ANKRD33B: variants seen among roughly 807,000 people sequenced by gnomAD.
ANKRD33B encodes ankyrin repeat domain 33B.
A neutral mutation model predicts 21.5 loss-of-function variants in ANKRD33B; 6 were observed. That is an observed-to-expected ratio of 0.28 (90% confidence interval 0.15 to 0.55). The LOEUF is 0.55. Ranked by LOEUF, ANKRD33B falls within the 20% of genes least tolerant of loss-of-function variation. The pLI is 0.94. For missense variants in ANKRD33B, 698 were observed against 747.2 expected, an observed-to-expected ratio of 0.93 and a Z score of 0.77; for synonymous variants, 347 against 342.4, an observed-to-expected ratio of 1.01 and a Z score of -0.15.
At chr5:10,586,462 C>T (rs1479350098) in intron 1 of ANKRD33B, among the ~76,000 whole-genome samples, 2 of 147,888 alleles carry the variant, frequency 1.4e-5, no homozygotes, top group South Asian at 2.2e-4. Context: ...TGTGAGAATA[C>T]GATGTGCGTT....
chr5:10,649,826 G>A lies in ANKRD33B; in HGVS notation c.1198G>A (p.Ala400Thr). 2 of 1,388,848 alleles carry A rather than the reference G, an allele frequency of 1.4e-6. No homozygotes were observed. The highest frequency in any genetic ancestry group is 1.9e-6 in the Non-Finnish European group (2 of 1,076,714). The allele number at this position is 1,388,848 out of a possible 1,614,324, so 86.0% of individuals were successfully genotyped here. A position where few individuals can be genotyped will look rare whatever the true frequency, so the allele number is the denominator to read the frequency against. Residue 400 changes from alanine (A) to threonine (T), a missense_variant, in exon 4 of 4, where the codon GCC becomes ACC. By Grantham distance (58) the Ala-to-Thr change is moderately conservative (BLOSUM62 0). This residue lies in a region of ANKRD33B where 543 missense variants were observed against 566.5 expected (regional missense o/e 0.96). Transcript: ENST00000296657. ...ALGSRGPAAP[A>T]PRKASLLPLQ... The stretch of plus-strand genomic sequence containing the variant: ...GGGGTCCCGGGGCCCCGCAGCGCCC[G>A]CCCCGCGGAAGGCCAGCCTCCTGCC...
intron 1 of ANKRD33B, among the ~76,000 whole-genome samples, chr5:10,604,625 T>C (rs1208186557): frequency 1.3e-5 from 2 of 152,026 alleles, no homozygotes; most frequent in African/African-American, 4.8e-5. Flanking sequence ...ATTAATTATA[T>C]CTAATCTCGC....
In ANKRD33B at chr5:10,588,751, C is replaced by T. The variant is rs929891464; in HGVS notation, c.366+23918C>T. ...TCAGCCTGAGTCTTGCAAGGGAAAACAATGTGGAAAAAAGCTGCATGCCAA... is the reference window on the plus strand; with the variant it reads ...TCAGCCTGAGTCTTGCAAGGGAAAATAATGTGGAAAAAAGCTGCATGCCAA... On this transcript the variant is annotated intron_variant, in intron 1 of 3. Transcript: ENST00000296657. Among the ~76,000 whole-genome samples the T allele has an allele frequency of 3.1e-4, 47 of 152,274 alleles. 1 individual carries two copies. Among genetic ancestry groups the T allele is most frequent in the African/African-American group, 1.0e-3 (43 of 41,550 alleles).
intron 1 of ANKRD33B, among the ~76,000 whole-genome samples, chr5:10,606,558 G>A (rs1411198391): frequency 4.6e-5 from 7 of 151,918 alleles, no homozygotes; most frequent in East Asian, 3.9e-4. Context: ...ACATGGTGAA[G>A]CCCTGTCTCT....
intron 1 of ANKRD33B, among the ~76,000 whole-genome samples, chr5:10,612,943 G>C (rs1156834465): frequency 6.6e-6 from 1 of 152,202 alleles, no homozygotes; most frequent in Non-Finnish European, 1.5e-5. Flanking sequence ...CCTATTGCTG[G>C]TGTTATTATG....
chr5:10,604,497 G>A (rs1248230382), intron 1 of ANKRD33B, among the ~76,000 whole-genome samples: 2 of 147,036 alleles, frequency 1.4e-5, no homozygotes, highest in Non-Finnish European at 3.0e-5. Flanking sequence ...CTGACCAAAA[G>A]GAGAACCTTT....
At chr5:10,634,763 A>G (rs910032846) in intron 2 of ANKRD33B, among the ~76,000 whole-genome samples, 3 of 151,302 alleles carry the variant, frequency 2.0e-5, no homozygotes, top group African/African-American at 4.9e-5. Context: ...GCCTCAAACT[A>G]GATTTCAATA....
rs1419823005 is a variant in ANKRD33B at position 10,656,147 on chromosome 5, G to A, written c.*6034G>A. The A allele has an allele frequency of 6.6e-6, 1 of 152,258 alleles. No homozygotes were observed. Among genetic ancestry groups the A allele is most frequent in the Non-Finnish European group, 1.5e-5 (1 of 68,022 alleles). 9.4% of individuals were successfully genotyped at this position (152,258 alleles called of 1,614,324 possible). ...ACTCGAGTCAGCTGCTTATTTCTGT[G>A]CCCTTGCACTCACAGGTTCCTTCAT... On this transcript the variant is annotated 3_prime_UTR_variant, in exon 4 of 4. Coordinates refer to ENST00000296657, the MANE Select transcript of ANKRD33B (RefSeq NM_001164440.2).
At chr5:10,593,797 C>A (rs1735750194) in intron 1 of ANKRD33B, among the ~76,000 whole-genome samples, 1 of 152,088 alleles carries the variant, frequency 6.6e-6, no homozygotes, top group Admixed American at 6.6e-5. Flanking sequence ...CAACCCCCAC[C>A]CCTCTCAACT....
chr5:10,614,383 A>C (rs1191899118), intron 1 of ANKRD33B, among the ~76,000 whole-genome samples: 1 of 152,212 alleles, frequency 6.6e-6, no homozygotes, highest in Admixed American at 6.5e-5. Flanking sequence ...AGCCAAGTTG[A>C]TACATGAAAT....
rs1737269628 is a variant in ANKRD33B at position 10,649,421 on chromosome 5, C to T, written c.793C>T (p.Pro265Ser). ...GGAGAAGTACCGGCCCGAGCTGCCG[C>T]CGCCCCCTGAAGCGGCGCGGAAGCC... ...FWEKYRPELPPPPEAARKPAG... is the reference protein window; with the variant it reads ...FWEKYRPELPSPPEAARKPAG... Residue 265 changes from proline to serine, a missense_variant, in exon 4 of 4, where the codon CCG (proline) becomes TCG (serine). Pro to Ser is a moderately conservative substitution (Grantham distance 74). Coordinates refer to ENST00000296657, the MANE Select transcript of ANKRD33B (RefSeq NM_001164440.2). 1.3e-6 allele frequency: 2 copies of T among 1,535,406 alleles called. No homozygotes were observed. Among genetic ancestry groups the T allele is most frequent in the African/African-American group, 2.7e-5 (2 of 73,158 alleles).
intron 2 of ANKRD33B, among the ~76,000 whole-genome samples, chr5:10,618,926 A>G (rs1428480038): frequency 6.6e-6 from 1 of 152,152 alleles, no homozygotes; most frequent in Non-Finnish European, 1.5e-5. Flanking sequence ...GAGCTGTTAG[A>G]GTATCCGTGT....
At chr5:10,612,716 C>T (rs541703545) in intron 1 of ANKRD33B, among the ~76,000 whole-genome samples, 3 of 152,328 alleles carry the variant, frequency 2.0e-5, no homozygotes, top group East Asian at 1.9e-4. Context: ...ATGCCCACCC[C>T]GTCCCCAGCG....
At chr5:10,593,688 G>A (rs1020370492) in intron 1 of ANKRD33B, among the ~76,000 whole-genome samples, 1 of 151,716 alleles carries the variant, frequency 6.6e-6, no homozygotes. Flanking sequence ...GGGCAGGGGG[G>A]CTAACATCAG....
At chr5:10,647,208 G>A (rs931784268) in intron 3 of ANKRD33B, among the ~76,000 whole-genome samples, 7 of 151,942 alleles carry the variant, frequency 4.6e-5, no homozygotes, top group South Asian at 4.2e-4. Context: ...GGGTTGAAGC[G>A]ATTCTCCTGC....
At chr5:10,569,430 C>CT in intron 1 of ANKRD33B, among the ~76,000 whole-genome samples, 1 of 152,016 alleles carries the variant, frequency 6.6e-6, no homozygotes, top group East Asian at 1.9e-4. Flanking sequence ...AAGCCCATCT[C>CT]TAAAAAAATA....
At chr5:10,606,895 A>AT (rs948901316) in intron 1 of ANKRD33B, among the ~76,000 whole-genome samples, 5 of 151,494 alleles carry the variant, frequency 3.3e-5, no homozygotes, top group South Asian at 2.1e-4. Context: ...CACCTGGCTC[A>AT]TTTTTTTGTA....
At chr5:10,638,215 G>C in intron 3 of ANKRD33B, 47 bp downstream of exon 3, 1 of 1,521,906 alleles carries the variant, frequency 6.6e-7, no homozygotes, top group African/African-American at 1.4e-5. Flanking sequence ...TGGGACACCA[G>C]AGTTGCTCCT....
rs1162885464 is a variant in ANKRD33B at position 10,610,618 on chromosome 5, T to C, written c.367-7715T>C. On this transcript the variant is annotated intron_variant, in intron 1 of 3. Transcript: ENST00000296657. The stretch of plus-strand genomic sequence containing the variant: ...CATGGATGAACATGCAGAGACACTA[T>C]AGCAGTCACGATGCATTTGCCAGTG... Among the ~76,000 whole-genome samples, 3 of 152,270 alleles carry C rather than the reference T, an allele frequency of 2.0e-5. No individual in the cohort carries two copies. In the South Asian group the frequency reaches 6.2e-4, roughly 31 times the overall value.
Sources: gnomAD v4.1 joint callset for allele counts (sites outside exome capture counted in the v4.1 genomes callset) on GRCh38, gnomAD v4.1.1 for gene constraint, gnomAD v4.1.1 regional missense constraint, MANE v1.5 for transcripts, NCBI Gene and HGNC (gene_info 2026-07-23, HGNC 2026-07-21) for gene names.